Variants in FGGY observed in about 807,000 individuals in gnomAD.
FGGY encodes the protein FGGY carbohydrate kinase domain containing, also known as FGGY carbohydrate kinase domain-containing protein.
In FGGY, 72 loss-of-function variants were observed where a neutral mutation model predicts 71.3. The observed-to-expected ratio is 1.01, with a 90% CI of 0.84 to 1.23. The LOEUF is 1.23. FGGY is among the 50% of genes most tolerant of loss of function. The pLI is 0.00. For synonymous variants in FGGY, 251 were observed against 250.3 expected (o/e 1.00, Z -0.02); for missense variants, 668 against 682.3 (o/e 0.98, Z 0.23).
chr1:59,608,376 G>A (rs961873585), intron 9 of FGGY, among the ~76,000 whole-genome samples: 7 of 152,120 alleles, frequency 4.6e-5, no homozygotes, highest in Non-Finnish European at 1.0e-4. Flanking sequence ...TCCTGTCATT[G>A]CACTTCTCTG....
At chr1:59,685,764 A>AT (rs963179607) in intron 14 of FGGY, among the ~76,000 whole-genome samples, 1 of 151,416 alleles carries the variant, frequency 6.6e-6, no homozygotes, top group African/African-American at 2.4e-5. Flanking sequence ...AGTTATTATT[A>AT]TTTTTTTTTA....
chr1:59,369,526 A>C (rs1482092478), intron 4 of FGGY, among the ~76,000 whole-genome samples: 4 of 152,216 alleles, frequency 2.6e-5, no homozygotes, highest in Non-Finnish European at 5.9e-5. Context: ...CTGCAGACTT[A>C]AATGTCCCTC....
intron 14 of FGGY, among the ~76,000 whole-genome samples, chr1:59,751,483 A>G: frequency 6.6e-6 from 1 of 152,356 alleles, no homozygotes; most frequent in East Asian, 1.9e-4. Flanking sequence ...TTTACTCTAT[A>G]AAACAAGTGA....
At chr1:59,668,527 C>A (rs1306239291) in intron 13 of FGGY, among the ~76,000 whole-genome samples, 1 of 152,214 alleles carries the variant, frequency 6.6e-6, no homozygotes, top group Non-Finnish European at 1.5e-5. Flanking sequence ...CCCATTATAT[C>A]CTCCATCCCC....
At position 59,391,341 on chromosome 1, in the gene FGGY, T is replaced by C. The variant is rs533149247; in HGVS notation, c.554+12504T>C. Among the ~76,000 whole-genome samples the C allele has an allele frequency of 4.6e-5, 7 of 152,240 alleles. No homozygotes were observed. The South Asian group carries it at 1.5e-3, about 32-fold the overall frequency. On this transcript the variant is annotated intron_variant, in intron 5 of 15. Transcript: ENST00000303721. Reference sequence around the variant, plus strand: ...ATGAAGCATGCTGGGTCAGTCGGGCTGGAGGCAGTGGGGGAGTCGGAGGGA... The same window carrying C: ...ATGAAGCATGCTGGGTCAGTCGGGCCGGAGGCAGTGGGGGAGTCGGAGGGA...
intron 13 of FGGY, among the ~76,000 whole-genome samples, chr1:59,668,604 C>T (rs1473311727): frequency 6.6e-6 from 1 of 152,180 alleles, no homozygotes; most frequent in East Asian, 1.9e-4. Context: ...CTGATCTTTG[C>T]ACATCATGAG....
chr1:59,702,184 C>T (rs954094252), intron 14 of FGGY, among the ~76,000 whole-genome samples: 5 of 152,180 alleles, frequency 3.3e-5, no homozygotes, highest in East Asian at 1.9e-4. Context: ...GATCCAATCA[C>T]CTCTCACCAG....
chr1:59,320,441 G>A (rs1438944027), intron 1 of FGGY, among the ~76,000 whole-genome samples: 2 of 152,156 alleles, frequency 1.3e-5, no homozygotes, highest in Non-Finnish European at 2.9e-5. Context: ...CTCACCTGGA[G>A]AGTTGTAGGG....
At chr1:59,638,151 A>G (rs2096980473) in intron 10 of FGGY, 77 bp from the exon 11 acceptor site, 1 of 1,441,132 alleles carries the variant, frequency 6.9e-7, no homozygotes. Flanking sequence ...CTGGAAGTAC[A>G]AATGGTTTCT....
Position 59,473,430 on chromosome 1 carries a change from G to A in FGGY, c.670+16354G>A, listed in dbSNP as rs181727517. ...ACCTTTAAGAACTGTAACACTCACC[G>A]TGAGGGTCCGCGGCTTCATTCTTGA... On this transcript the variant is annotated intron_variant, in intron 6 of 15. Transcript: ENST00000303721. Among the ~76,000 whole-genome samples, 438 of 152,314 alleles carry A rather than the reference G, an allele frequency of 2.9e-3. 3 individuals carry two copies. The highest frequency in any genetic ancestry group is 0.01 in the African/African-American group (416 of 41,578).
Position 59,364,467 on chromosome 1 carries a change from C to A in FGGY, c.466-14282C>A, listed in dbSNP as rs181213124. ...AACCTCATTCATTTATCCATTCATT[C>A]CTTTTATTTCTGCAGACTTTAATTT... On this transcript the variant is annotated intron_variant, in intron 4 of 15. Coordinates refer to ENST00000303721, the MANE Select transcript of FGGY (RefSeq NM_018291.5). 5.9e-5 allele frequency among the ~76,000 whole-genome samples: 9 copies of A among 152,322 alleles called. No individual in the cohort carries two copies. The East Asian group carries it at 1.7e-3, about 29-fold the overall frequency.
chr1:59,353,418 G>C (rs952311974), intron 4 of FGGY, among the ~76,000 whole-genome samples: 4 of 152,072 alleles, frequency 2.6e-5, no homozygotes, highest in Non-Finnish European at 5.9e-5. Context: ...GTTTTATTAA[G>C]GAAAATTCTA....
At chr1:59,416,155 TTTAAA>T (rs2064375313) in intron 5 of FGGY, among the ~76,000 whole-genome samples, 1 of 151,592 alleles carries the variant, frequency 6.6e-6, no homozygotes, top group Non-Finnish European at 1.5e-5. Flanking sequence ...AAAGCTTTTA[TTTAAA>T]TCAGTTAGTT....
At chr1:59,345,183 A>G (rs1333455668) in intron 3 of FGGY, among the ~76,000 whole-genome samples, 1 of 152,236 alleles carries the variant, frequency 6.6e-6, no homozygotes, top group African/African-American at 2.4e-5. Flanking sequence ...CACACATTAC[A>G]AACATTTACT....
At chr1:59,570,479 T>C (rs1295995106) in intron 8 of FGGY, among the ~76,000 whole-genome samples, 1 of 152,180 alleles carries the variant, frequency 6.6e-6, no homozygotes, top group Admixed American at 6.5e-5. Context: ...AAAATATCTC[T>C]TGGTAGGTCT....
chr1:59,528,674 G>C (rs1039502016), intron 7 of FGGY, among the ~76,000 whole-genome samples: 1 of 152,120 alleles, frequency 6.6e-6, no homozygotes, highest in Non-Finnish European at 1.5e-5. Context: ...TATCAGCCTT[G>C]TGACTCACCA....
At position 59,598,693 on chromosome 1, in the gene FGGY, A is replaced by G. The variant is rs117182089; in HGVS notation, c.904-9110A>G. Among the ~76,000 whole-genome samples the G allele has an allele frequency of 5.4e-4, 83 of 152,318 alleles. No individual in the cohort carries two copies. In the East Asian group the frequency reaches 0.015, roughly 27 times the overall value. On this transcript the variant is annotated intron_variant, in intron 8 of 15. Coordinates refer to ENST00000303721, the MANE Select transcript of FGGY (RefSeq NM_018291.5). ...GGCAAACTCTATGAGAACACTCTTA[A>G]CCACTTTGAAACCCCCAAATAGAAG...
chr1:59,734,679 G>C (rs994691630), intron 14 of FGGY, among the ~76,000 whole-genome samples: 12 of 152,238 alleles, frequency 7.9e-5, no homozygotes, highest in Admixed American at 2.0e-4. Flanking sequence ...GGAATGCCGA[G>C]ACCCTCCTCT....
At chr1:59,587,878 A>G (rs1363445221) in intron 8 of FGGY, among the ~76,000 whole-genome samples, 1 of 152,196 alleles carries the variant, frequency 6.6e-6, no homozygotes, top group East Asian at 1.9e-4. Flanking sequence ...GAAACTCTAA[A>G]AAGCAGAGCA....
Sources: allele counts gnomAD v4.1 joint callset (sites outside exome capture counted in the v4.1 genomes callset), GRCh38; gene constraint gnomAD v4.1.1; transcripts MANE v1.5; gene names NCBI Gene and HGNC (gene_info 2026-07-23, HGNC 2026-07-21).